The following HTR2A variants were observed in gnomAD, a reference collection of about 807,000 sequenced individuals.
The protein encoded by HTR2A is 5-hydroxytryptamine receptor 2A, also known as 5-HT2 receptor.
Under a neutral mutation model 31.0 loss-of-function variants are expected in HTR2A, and 14 were observed. The ratio of observed to expected loss-of-function variants is 0.45; its 90% confidence interval spans 0.30 to 0.71. HTR2A has a LOEUF of 0.71. Among genes scored for constraint, HTR2A ranks in the 30% least tolerant of loss-of-function variants. The probability of loss-of-function intolerance (pLI) is 0.09; values close to 1 mark genes in which losing one functional copy is unlikely to be tolerated. For synonymous variants in HTR2A, 209 were observed against 225.2 expected (o/e 0.93, Z 0.64); for missense variants, 442 against 573.3 (o/e 0.77, Z 2.34).
At chr13:46,872,427 CAATT>C (rs1388595471) in intron 3 of HTR2A, among the ~76,000 whole-genome samples, 1 of 152,178 alleles carries the variant, frequency 6.6e-6, no homozygotes, top group African/African-American at 2.4e-5. Flanking sequence ...CTTTGCATCT[CAATT>C]AGTAATTATT....
intron 3 of HTR2A, among the ~76,000 whole-genome samples, chr13:46,836,555 TTC>T (rs1876458399): frequency 6.6e-6 from 1 of 152,218 alleles, no homozygotes; most frequent in Non-Finnish European, 1.5e-5. Context: ...CCAATTTTAA[TTC>T]TTTTTAAAAA....
At chr13:46,848,842 A>G (rs1416445675) in intron 3 of HTR2A, among the ~76,000 whole-genome samples, 1 of 152,224 alleles carries the variant, frequency 6.6e-6, no homozygotes, top group Non-Finnish European at 1.5e-5. Context: ...TTTAAGGATT[A>G]AGAGTGTTTA....
At chr13:46,859,237 C>T (rs1950762344) in intron 3 of HTR2A, among the ~76,000 whole-genome samples, 1 of 152,164 alleles carries the variant, frequency 6.6e-6, no homozygotes, top group South Asian at 2.1e-4. Context: ...GATGCTATCA[C>T]ATGGCTGATT....
intron 3 of HTR2A, among the ~76,000 whole-genome samples, chr13:46,845,496 C>T (rs902544428): frequency 6.6e-6 from 1 of 152,074 alleles, no homozygotes; most frequent in Non-Finnish European, 1.5e-5. Flanking sequence ...TGATAGCAAT[C>T]AGTTTTGTTC....
intron 3 of HTR2A, among the ~76,000 whole-genome samples, chr13:46,848,460 G>C (rs1566302891): frequency 6.6e-6 from 1 of 152,166 alleles, no homozygotes; most frequent in Non-Finnish European, 1.5e-5. Context: ...GAACTGTTAA[G>C]CTCTCTGTGT....
chr13:46,895,662 G>T lies in HTR2A; in HGVS notation c.245C>A (p.Ala82Asp). Reference sequence around the variant, plus strand: ...AGCAATAGTTAGAATAATCACTACGGCTGTCAGTAAAGCAGACCAGTTTTT... The same window carrying T: ...AGCAATAGTTAGAATAATCACTACGTCTGTCAGTAAAGCAGACCAGTTTTT... Reference protein sequence around the residue: ...QEKNWSALLTAVVIILTIAGN... With the variant: ...QEKNWSALLTDVVIILTIAGN... The change falls in exon 2 of 4, where the codon GCC becomes GAC. Residue 82 changes from alanine to aspartate, a missense_variant. This residue lies in a region of HTR2A where 86 missense variants were observed against 179.1 expected (regional missense o/e 0.48). Transcript: ENST00000542664. The surrounding 1 kb of genome is among the most constrained non-coding windows in gnomAD (Gnocchi z 4.4). 1 of 1,614,152 alleles carries T rather than the reference G, an allele frequency of 6.2e-7. No homozygotes were observed.
At chr13:46,890,736 C>A (rs1410693330) in intron 3 of HTR2A, among the ~76,000 whole-genome samples, 1 of 152,122 alleles carries the variant, frequency 6.6e-6, no homozygotes, top group African/African-American at 2.4e-5. Context: ...TGGGGTAAAA[C>A]TATGGACAGT....
chr13:46,866,735 G>T (rs76350108), intron 3 of HTR2A, among the ~76,000 whole-genome samples: 255 of 152,268 alleles, frequency 1.7e-3, no homozygotes, highest in Admixed American at 4.8e-3. Context: ...ACATCAGAAG[G>T]TAATAAGTAG....
chr13:46,838,108 A>G (rs1487799000), intron 3 of HTR2A, among the ~76,000 whole-genome samples: 2 of 152,252 alleles, frequency 1.3e-5, no homozygotes, highest in African/African-American at 2.4e-5. Context: ...TGTAAAAGTA[A>G]GGGCATGATT....
chr13:46,853,162 C>T (rs972210675), intron 3 of HTR2A, among the ~76,000 whole-genome samples: 3 of 151,994 alleles, frequency 2.0e-5, no homozygotes, highest in Non-Finnish European at 1.5e-5. Flanking sequence ...TATAAGATGC[C>T]GTGATTAATA....
chr13:46,840,485 A>G (rs373277023), intron 3 of HTR2A, among the ~76,000 whole-genome samples: 2 of 152,210 alleles, frequency 1.3e-5, no homozygotes, highest in African/African-American at 2.4e-5. Flanking sequence ...TATTCACTCT[A>G]AATTGATTTT....
chr13:46,843,477 C>G (rs1222283511), intron 3 of HTR2A, among the ~76,000 whole-genome samples: 1 of 152,080 alleles, frequency 6.6e-6, no homozygotes, highest in Non-Finnish European at 1.5e-5. Context: ...GACTATTAAC[C>G]TAAGTTCATG....
chr13:46,844,043 T>G (rs2138191593), intron 3 of HTR2A, among the ~76,000 whole-genome samples: 1 of 152,304 alleles, frequency 6.6e-6, no homozygotes, highest in East Asian at 1.9e-4. Flanking sequence ...TTTTTCTTAC[T>G]CAATATTCCT....
At chr13:46,838,351 A>T (rs1433264417) in intron 3 of HTR2A, among the ~76,000 whole-genome samples, 1 of 152,156 alleles carries the variant, frequency 6.6e-6, no homozygotes, top group South Asian at 2.1e-4. Context: ...GGAGGCTGGC[A>T]CCAACATACC....
chr13:46,873,260 G>T (rs1950878083), intron 3 of HTR2A, among the ~76,000 whole-genome samples: 1 of 151,002 alleles, frequency 6.6e-6, no homozygotes, highest in Admixed American at 6.6e-5. Flanking sequence ...CACCACTTTT[G>T]TTTTTTATTC....
intron 3 of HTR2A, among the ~76,000 whole-genome samples, chr13:46,879,303 G>C (rs534273729): frequency 2.0e-5 from 3 of 152,194 alleles, no homozygotes; most frequent in Non-Finnish European, 4.4e-5. Context: ...CTTTCATGTT[G>C]AGAATGTATT....
chr13:46,862,921 C>T (rs1448428770), intron 3 of HTR2A, among the ~76,000 whole-genome samples: 1 of 152,196 alleles, frequency 6.6e-6, no homozygotes. Context: ...TGACTTAAAT[C>T]ACTAATTGTA....
In HTR2A at chr13:46,835,333, G is replaced by A. The variant is rs773797673; in HGVS notation, c.920C>T (p.Thr307Ile). Reference sequence around the variant, plus strand: ...GATGGACTGCATAGTCCTCCTGCCTGTGTAGGACCCTGGCTCCCTATGGAT... The same window carrying A: ...GATGGACTGCATAGTCCTCCTGCCTATGTAGGACCCTGGCTCCCTATGGAT... ...RSIHREPGSY[T>I]GRRTMQSISN... The change falls in exon 4 of 4, where the codon ACA becomes ATA. Residue 307 changes from threonine to isoleucine, a missense_variant. Around this residue, in one of 5 missense-constraint regions of HTR2A, gnomAD observed 174 missense variants for 195.1 expected, o/e 0.89. Transcript: ENST00000542664. The A allele has an allele frequency of 1.2e-6, 2 of 1,614,118 alleles. No individual in the cohort carries two copies. Among genetic ancestry groups the A allele is most frequent in the South Asian group, 1.1e-5 (1 of 91,082 alleles).
At chr13:46,864,949 T>A (rs1593435920) in intron 3 of HTR2A, among the ~76,000 whole-genome samples, 1 of 152,184 alleles carries the variant, frequency 6.6e-6, no homozygotes. Flanking sequence ...AAGAGGTTTT[T>A]TTTTAGGTTG....
Sources: gnomAD v4.1 joint callset for allele counts (sites outside exome capture counted in the v4.1 genomes callset) on GRCh38, gnomAD v4.1.1 for gene constraint, gnomAD v4.1.1 regional missense constraint, Gnocchi (gnomAD v3.1) non-coding constraint, MANE v1.5 for transcripts, NCBI Gene and HGNC (gene_info 2026-07-23, HGNC 2026-07-21) for gene names.